SLCO3A1: variants seen among roughly 807,000 people sequenced by gnomAD.
SLCO3A1 encodes PGE1 transporter.
A neutral mutation model predicts 63.1 loss-of-function variants in SLCO3A1; 27 were observed. The observed-to-expected ratio is 0.43, with a 90% CI of 0.32 to 0.59. The LOEUF (loss-of-function observed/expected upper bound fraction) is 0.59. SLCO3A1 is among the 20% of genes least tolerant of loss of function. The pLI, the probability that SLCO3A1 is intolerant of heterozygous loss-of-function variation, is 0.09. For synonymous variants in SLCO3A1, 473 were observed against 409.9 expected, an observed-to-expected ratio of 1.15 and a Z score of -1.86; for missense variants, 773 against 945.8, an observed-to-expected ratio of 0.82 and a Z score of 2.40.
At chr15:91,896,216 CG>C (rs1318127943) in intron 1 of SLCO3A1, among the ~76,000 whole-genome samples, 1 of 152,140 alleles carries the variant, frequency 6.6e-6, no homozygotes, top group African/African-American at 2.4e-5. Context: ...GAAATGCTCC[CG>C]GCATAAGCAT....
In SLCO3A1 at chr15:92,163,133, T is replaced by C; in HGVS notation, c.2131T>C (p.Ter711GlnextTer1). 1.3e-6 allele frequency: 2 copies of C among 1,516,688 alleles called. No individual in the cohort carries two copies. The highest frequency in any genetic ancestry group is 1.8e-6 in the Non-Finnish European group (2 of 1,134,630). 94.0% of individuals were successfully genotyped at this position (1,516,688 alleles called of 1,614,324 possible). The change falls in exon 10 of 10, where the codon TAG (stop) becomes CAG (glutamine). Residue 711 changes from the stop codon to glutamine (Q), a stop_lost. Coordinates refer to ENST00000318445, the MANE Select transcript of SLCO3A1 (RefSeq NM_013272.4). ...EWCENMESVL[*>Q] Reference sequence around the variant, plus strand: ...GTGTGAAAACATGGAGTCCGTTTTATAGTGACTAAAGGAGGGCTGAACTCT... The same window carrying C: ...GTGTGAAAACATGGAGTCCGTTTTACAGTGACTAAAGGAGGGCTGAACTCT...
intron 2 of SLCO3A1, among the ~76,000 whole-genome samples, chr15:91,984,842 G>A (rs1298286332): frequency 6.6e-6 from 1 of 152,136 alleles, no homozygotes; most frequent in African/African-American, 2.4e-5. Context: ...TGGTAGGGCT[G>A]ACAAAAGCTT....
rs550250480 is a variant in SLCO3A1 at position 91,870,129 on chromosome 15, C to T, written c.180+16041C>T. Among the ~76,000 whole-genome samples the T allele has an allele frequency of 2.6e-5, 4 of 152,146 alleles. No homozygotes were observed. The South Asian group carries it at 8.3e-4, about 32-fold the overall frequency. On this transcript the variant is annotated intron_variant, in intron 1 of 9. Coordinates refer to ENST00000318445, the MANE Select transcript of SLCO3A1 (RefSeq NM_013272.4). Reference sequence around the variant, plus strand: ...TCTCTGTTAATTTCCAGAAGGTGGACGTTCGTCTAGTCTATATCAAGGTAT... The same window carrying T: ...TCTCTGTTAATTTCCAGAAGGTGGATGTTCGTCTAGTCTATATCAAGGTAT...
intron 2 of SLCO3A1, among the ~76,000 whole-genome samples, chr15:91,984,371 C>T (rs550816943): frequency 7.9e-5 from 12 of 152,256 alleles, no homozygotes; most frequent in Admixed American, 3.3e-4. Flanking sequence ...TCTTTCTTAT[C>T]GGAGATTTAC....
At chr15:91,906,364 C>T (rs1231501920) in intron 1 of SLCO3A1, among the ~76,000 whole-genome samples, 1 of 152,110 alleles carries the variant, frequency 6.6e-6, no homozygotes, top group African/African-American at 2.4e-5. Context: ...TCCCTGTTTT[C>T]ATAGTTGTTG....
intron 9 of SLCO3A1, among the ~76,000 whole-genome samples, chr15:92,153,914 C>G (rs963453366): frequency 6.6e-6 from 1 of 152,168 alleles, no homozygotes; most frequent in African/African-American, 2.4e-5. Context: ...GGAACTTGGT[C>G]AGGAAGGGCT....
chr15:92,120,260 A>G (rs890118666), intron 4 of SLCO3A1, among the ~76,000 whole-genome samples: 4 of 152,206 alleles, frequency 2.6e-5, no homozygotes, highest in Non-Finnish European at 5.9e-5. Flanking sequence ...GCAACATGTC[A>G]GTGTACGCTT....
intron 1 of SLCO3A1, among the ~76,000 whole-genome samples, chr15:91,902,782 A>T (rs1055075973): frequency 6.6e-6 from 1 of 152,166 alleles, no homozygotes; most frequent in African/African-American, 2.4e-5. Flanking sequence ...CATGGGGCAG[A>T]TAAAGTGTGG....
intron 2 of SLCO3A1, among the ~76,000 whole-genome samples, chr15:91,995,758 A>G (rs2046184053): frequency 6.8e-6 from 1 of 146,350 alleles, no homozygotes; most frequent in East Asian, 2.0e-4. Context: ...AAAAACTTGT[A>G]CATGTCTGTA....
At chr15:92,025,072 C>CTT (rs2046555421) in intron 2 of SLCO3A1, among the ~76,000 whole-genome samples, 1 of 151,934 alleles carries the variant, frequency 6.6e-6, no homozygotes, top group South Asian at 2.1e-4. Flanking sequence ...CTTCCATCCT[C>CTT]TTAATGGCAT....
At chr15:91,961,967 G>C (rs1427602402) in intron 2 of SLCO3A1, among the ~76,000 whole-genome samples, 3 of 152,196 alleles carry the variant, frequency 2.0e-5, no homozygotes, top group Non-Finnish European at 2.9e-5. Context: ...TCATGTGGGA[G>C]GAAACCTGGA....
intron 2 of SLCO3A1, among the ~76,000 whole-genome samples, chr15:92,024,726 G>C (rs1335833813): frequency 6.6e-6 from 1 of 152,214 alleles, no homozygotes. Flanking sequence ...TAGAGAATTA[G>C]TGGGAATGAA....
At chr15:92,115,622 C>T (rs16974268) in intron 4 of SLCO3A1, among the ~76,000 whole-genome samples, 114,046 of 151,798 alleles carry the variant, frequency 0.75, 44,553 homozygotes, top group East Asian at 0.95. Context: ...GTCACTTCCA[C>T]ATCTACTAAA....
intron 2 of SLCO3A1, among the ~76,000 whole-genome samples, chr15:91,961,318 G>A (rs1900436827): frequency 6.6e-6 from 1 of 152,202 alleles, no homozygotes. Context: ...GAACTTTTGA[G>A]GCTTTCTCTT....
At chr15:91,997,635 G>A (rs72755637) in intron 2 of SLCO3A1, among the ~76,000 whole-genome samples, 29,606 of 152,096 alleles carry the variant, frequency 0.19, 3,197 homozygotes, top group East Asian at 0.32. Context: ...TAACCAAAAT[G>A]ACATGGTACT....
intron 5 of SLCO3A1, among the ~76,000 whole-genome samples, chr15:92,123,798 T>C (rs2047890528): frequency 6.6e-6 from 1 of 152,232 alleles, no homozygotes; most frequent in African/African-American, 2.4e-5. Context: ...TGGGCAGTGC[T>C]CTGTTTCAGA....
At chr15:92,032,957 C>T (rs1232506341) in intron 2 of SLCO3A1, among the ~76,000 whole-genome samples, 1 of 152,056 alleles carries the variant, frequency 6.6e-6, no homozygotes, top group Non-Finnish European at 1.5e-5. Context: ...GAAAACAAGT[C>T]ACATTTGGAC....
At chr15:91,871,981 A>G (rs1290550197) in intron 1 of SLCO3A1, among the ~76,000 whole-genome samples, 1 of 151,850 alleles carries the variant, frequency 6.6e-6, no homozygotes, top group East Asian at 1.9e-4. Flanking sequence ...TGTTTTGCTG[A>G]TACAAATTCT....
Position 91,968,918 on chromosome 15 carries a change from C to G in SLCO3A1, c.646+52460C>G, listed in dbSNP as rs1250346932. Among the ~76,000 whole-genome samples, 2 of 152,180 alleles carry G rather than the reference C, an allele frequency of 1.3e-5. No homozygotes were observed. The highest frequency in any genetic ancestry group is 4.8e-5 in the African/African-American group (2 of 41,448). Reference sequence around the variant, plus strand: ...CAGGGGATCTGGCAAACTCGTGTTGCTCCATGTAGAGTCAGCTCAGAGGTC... The same window carrying G: ...CAGGGGATCTGGCAAACTCGTGTTGGTCCATGTAGAGTCAGCTCAGAGGTC... On this transcript the variant is annotated intron_variant, in intron 2 of 9. Coordinates refer to ENST00000318445, the MANE Select transcript of SLCO3A1 (RefSeq NM_013272.4). The surrounding 1 kb of genome is among the most constrained non-coding windows in gnomAD (Gnocchi z 4.2).
Sources: allele counts gnomAD v4.1 joint callset (sites outside exome capture counted in the v4.1 genomes callset), GRCh38; gene constraint gnomAD v4.1.1; non-coding constraint Gnocchi (gnomAD v3.1); transcripts MANE v1.5; gene names NCBI Gene and HGNC (gene_info 2026-07-23, HGNC 2026-07-21).